Variants in CKS2 observed in about 807,000 individuals in gnomAD.
CKS2 encodes cyclin-dependent kinases regulatory subunit 2.
A neutral mutation model predicts 14.3 loss-of-function variants in CKS2; 4 were observed. The observed-to-expected ratio is 0.28, with a 90% CI of 0.14 to 0.64. The LOEUF (loss-of-function observed/expected upper bound fraction) is 0.64, where lower values mean the gene tolerates loss of function less well. Among genes scored for constraint, CKS2 ranks in the 30% least tolerant of loss-of-function variants. The pLI is 0.83. For synonymous variants in CKS2, 33 were observed against 28.7 expected (o/e 1.15, Z -0.48); for missense variants, 71 against 94.3 (o/e 0.75, Z 1.02).
At chr9:89,316,108 A>G (rs554984601) in intron 2 of CKS2, among the ~76,000 whole-genome samples, 2 of 151,292 alleles carry the variant, frequency 1.3e-5, no homozygotes, top group African/African-American at 2.4e-5. Flanking sequence ...CCACCTATTG[A>G]AACAGAATCT....
In CKS2 at chr9:89,311,231, G is replaced by T; in HGVS notation, c.-62G>T. On this transcript the variant is annotated 5_prime_UTR_variant, in exon 1 of 3. Transcript: ENST00000314355. ...GCGAGTTGTTGCCTGGGCTGGACGT[G>T]GTTTTGTCTGCTGCGCCCGCTCTTC... 2 of 1,414,364 alleles carry T rather than the reference G, an allele frequency of 1.4e-6. No individual in the cohort carries two copies. Among genetic ancestry groups the T allele is most frequent in the East Asian group, 2.4e-5 (1 of 42,310 alleles). 87.6% of individuals were successfully genotyped at this position (1,414,364 alleles called of 1,614,324 possible).
chr9:89,313,196 T>G (rs1232175588), intron 1 of CKS2, among the ~76,000 whole-genome samples: 1 of 152,268 alleles, frequency 6.6e-6, no homozygotes, highest in Non-Finnish European at 1.5e-5. Context: ...TTTGTATTAA[T>G]ATGTAATGGT....
chr9:89,311,262 C>G lies in CKS2; in HGVS notation c.-31C>G. The G allele has an allele frequency of 1.2e-6, 2 of 1,602,284 alleles. No homozygotes were observed. Among genetic ancestry groups the G allele is most frequent in the Admixed American group, 1.7e-5 (1 of 59,342 alleles). ...GTCTGCTGCGCCCGCTCTTCGCGCTCTCGTTTCATTTTCTGCAGCGCGCCA... is the reference window on the plus strand; with the variant it reads ...GTCTGCTGCGCCCGCTCTTCGCGCTGTCGTTTCATTTTCTGCAGCGCGCCA... On this transcript the variant is annotated 5_prime_UTR_variant, in exon 1 of 3. Transcript: ENST00000314355.
At chr9:89,315,919 A>G (rs796946319) in intron 2 of CKS2, among the ~76,000 whole-genome samples, 8 of 152,354 alleles carry the variant, frequency 5.3e-5, no homozygotes, top group African/African-American at 1.4e-4. Context: ...AAGACATACT[A>G]TAGAAGCTGA....
intron 1 of CKS2, 49 bp downstream of exon 1, chr9:89,311,400 C>T: frequency 6.5e-7 from 1 of 1,528,778 alleles, no homozygotes; most frequent in Non-Finnish European, 8.9e-7. Flanking sequence ...CCGGGGCCCC[C>T]GCGGGCGGGG....
At chr9:89,311,946 T>C (rs1416814641) in intron 1 of CKS2, among the ~76,000 whole-genome samples, 1 of 152,140 alleles carries the variant, frequency 6.6e-6, no homozygotes, top group African/African-American at 2.4e-5. Context: ...GGTATAAGAA[T>C]AAGCTTTGGA....
At chr9:89,315,589 C>A in intron 2 of CKS2, among the ~76,000 whole-genome samples, 1 of 150,080 alleles carries the variant, frequency 6.7e-6, no homozygotes, top group Non-Finnish European at 1.5e-5. Context: ...AACAGTATCC[C>A]AAAGCATTTT....
intron 1 of CKS2, among the ~76,000 whole-genome samples, chr9:89,311,829 A>G (rs2131461779): frequency 6.6e-6 from 1 of 152,296 alleles, no homozygotes; most frequent in East Asian, 1.9e-4. Flanking sequence ...CCTGTCGCTG[A>G]CGGGGTGATG....
rs2131465316 is a variant in CKS2, at chr9:89,316,594, T to C, written c.*169T>C. ...TTAAATGCAACTGCAAGTAGGTTAC[T>C]GTAAGATGTTTAAGATAAAAGTTCT... On this transcript the variant is annotated 3_prime_UTR_variant, in exon 3 of 3. Coordinates refer to ENST00000314355, the MANE Select transcript of CKS2 (RefSeq NM_001827.3). 8.9e-6 allele frequency: 4 copies of C among 451,330 alleles called. No homozygotes were observed. The East Asian group carries it at 1.0e-4, about 11-fold the overall frequency. 28.0% of individuals were successfully genotyped at this position (451,330 alleles called of 1,614,324 possible).
At position 89,311,351 on chromosome 9, in the gene CKS2, G is replaced by A; in HGVS notation, c.59G>A (p.Arg20Gln). 1 of 1,603,222 alleles carries A rather than the reference G, an allele frequency of 6.2e-7. No homozygotes were observed. The highest frequency in any genetic ancestry group is 1.1e-5 in the South Asian group (1 of 89,994). ...TACTTCGACGAACACTACGAGTACC[G>A]GTGGGCGCCTTTCTTAGACCCCGAG... ...DKYFDEHYEY[R>Q]HVMLPRELSK... The change falls in exon 1 of 3, where the codon CGG becomes CAG. Residue 20 changes from arginine to glutamine, a missense_variant and splice_region_variant. By Grantham distance (43) the Arg-to-Gln change is conservative (BLOSUM62 1). Coordinates refer to ENST00000314355, the MANE Select transcript of CKS2 (RefSeq NM_001827.3).
chr9:89,311,369 A>AC lies in CKS2; in HGVS notation c.59+22dup. 2 of 1,457,964 alleles carry AC rather than the reference A, an allele frequency of 1.4e-6. No homozygotes were observed. Among genetic ancestry groups the AC allele is most frequent in the Middle Eastern group, 2.0e-4 (1 of 5,008 alleles). 90.3% of individuals were successfully genotyped at this position (1,457,964 alleles called of 1,614,324 possible). On this transcript the variant is annotated intron_variant, in intron 1 of 2. Coordinates refer to ENST00000314355, the MANE Select transcript of CKS2 (RefSeq NM_001827.3). ...GAGTACCGGTGGGCGCCTTTCTTAG[A>AC]CCCCGAGCCGGCTCCCTCAGCCGGG...
At position 89,315,236 on chromosome 9, in the gene CKS2, G is replaced by C. The variant is rs373196749; in HGVS notation, c.126G>C (p.Glu42Asp). The change falls in exon 2 of 3, where the codon GAG becomes GAC. Residue 42 changes from glutamate to aspartate, a missense_variant. Physicochemically the swap from Glu to Asp is conservative, Grantham distance 45 (BLOSUM62 2). Coordinates refer to ENST00000314355, the MANE Select transcript of CKS2 (RefSeq NM_001827.3). ...VPKTHLMSEE[E>D]WRRLGVQQSL... ...AAACTCATCTGATGTCTGAAGAGGA[G>C]TGGAGGAGACTTGGTGTCCAACAGA... The C allele has an allele frequency of 6.2e-7, 1 of 1,612,016 alleles. No individual in the cohort carries two copies. The highest frequency in any genetic ancestry group is 8.5e-7 in the Non-Finnish European group (1 of 1,178,908).
At position 89,311,252 on chromosome 9, in the gene CKS2, T is replaced by C. The variant is rs759966109; in HGVS notation, c.-41T>C. The C allele has an allele frequency of 1.9e-6, 3 of 1,583,966 alleles. No individual in the cohort carries two copies. The highest frequency in any genetic ancestry group is 3.4e-5 in the Admixed American group (2 of 59,150). On this transcript the variant is annotated 5_prime_UTR_variant, in exon 1 of 3. Coordinates refer to ENST00000314355, the MANE Select transcript of CKS2 (RefSeq NM_001827.3). ...ACGTGGTTTTGTCTGCTGCGCCCGC[T>C]CTTCGCGCTCTCGTTTCATTTTCTG...
intron 1 of CKS2, among the ~76,000 whole-genome samples, chr9:89,313,295 A>C (rs1824652846): frequency 6.6e-6 from 1 of 152,144 alleles, no homozygotes; most frequent in Non-Finnish European, 1.5e-5. Flanking sequence ...CTTAATTACA[A>C]ACTTAATTTC....
At chr9:89,315,407 T>C (rs1376574185) in intron 2 of CKS2, 110 bp downstream of exon 2, 2 of 1,010,282 alleles carry the variant, frequency 2.0e-6, no homozygotes, top group Non-Finnish European at 2.7e-6. Flanking sequence ...AAAGTAACTG[T>C]TCTGATAAGT....
intron 1 of CKS2, among the ~76,000 whole-genome samples, chr9:89,314,710 C>T (rs1021836641): frequency 3.3e-5 from 5 of 152,174 alleles, no homozygotes; most frequent in African/African-American, 1.2e-4. Flanking sequence ...TTACCGTTCT[C>T]AATTTACAGT....
At position 89,316,365 on chromosome 9, in the gene CKS2, T is replaced by G; in HGVS notation, c.188-8T>G. 1 of 1,562,756 alleles carries G rather than the reference T, an allele frequency of 6.4e-7. No individual in the cohort carries two copies. Among genetic ancestry groups the G allele is most frequent in the Non-Finnish European group, 8.8e-7 (1 of 1,138,916 alleles). ...ATTAAAATGATTCAAAACATTTTCT[T>G]TCCACAGAACCACATATTCTTCTCT... is the stretch of plus-strand genomic sequence containing the variant. On this transcript the variant is annotated splice_polypyrimidine_tract_variant and splice_region_variant and intron_variant, in intron 2 of 2. Transcript: ENST00000314355.
chr9:89,314,423 A>G (rs777029214), intron 1 of CKS2, among the ~76,000 whole-genome samples: 2 of 152,210 alleles, frequency 1.3e-5, no homozygotes, highest in African/African-American at 2.4e-5. Flanking sequence ...AGTTTTGGAT[A>G]TAGGTCAGTA....
chr9:89,311,209 A>T lies in CKS2; in HGVS notation c.-84A>T. On this transcript the variant is annotated 5_prime_UTR_variant, in exon 1 of 3. Transcript: ENST00000314355. ...GGACTGCGGTCGTTAGTCTCCGGCGAGTTGTTGCCTGGGCTGGACGTGGTT... is the reference window on the plus strand; with the variant it reads ...GGACTGCGGTCGTTAGTCTCCGGCGTGTTGTTGCCTGGGCTGGACGTGGTT... 1 of 1,109,910 alleles carries T rather than the reference A, an allele frequency of 9.0e-7. No individual in the cohort carries two copies. The allele number at this position is 1,109,910 out of a possible 1,614,324, so 68.8% of individuals were successfully genotyped here. A position where few individuals can be genotyped will look rare whatever the true frequency, so the allele number is the denominator to read the frequency against.
Sources: gnomAD v4.1 joint callset for allele counts (sites outside exome capture counted in the v4.1 genomes callset) on GRCh38, gnomAD v4.1.1 for gene constraint, MANE v1.5 for transcripts, NCBI Gene and HGNC (gene_info 2026-07-23, HGNC 2026-07-21) for gene names.